CTNNBIP1: variants seen among roughly 807,000 people sequenced by gnomAD.
CTNNBIP1 encodes the protein catenin beta interacting protein 1, also known as beta-catenin-interacting protein 1.
A neutral mutation model predicts 11.8 loss-of-function variants in CTNNBIP1; 7 were observed. That is an observed-to-expected ratio of 0.60 (90% CI 0.34 to 1.12). The LOEUF is 1.12. Ranked by LOEUF, CTNNBIP1 falls within the 50% of genes most tolerant of loss-of-function variation. CTNNBIP1 has a pLI of 0.03. For missense variants in CTNNBIP1, 101 were observed against 113.4 expected, an observed-to-expected ratio of 0.89 and a Z score of 0.50; for synonymous variants, 58 against 43.9, an observed-to-expected ratio of 1.32 and a Z score of -1.26.
intron 1 of CTNNBIP1, among the ~76,000 whole-genome samples, chr1:9,895,578 C>T (rs769513089): frequency 2.6e-5 from 4 of 152,078 alleles, no homozygotes; most frequent in Non-Finnish European, 5.9e-5. Context: ...TCACTGCAAC[C>T]TCCGCCTCCC....
chr1:9,889,341 C>A (rs1018883470), intron 1 of CTNNBIP1, among the ~76,000 whole-genome samples: 1 of 152,184 alleles, frequency 6.6e-6, no homozygotes, highest in African/African-American at 2.4e-5. Flanking sequence ...ATTGTCACGA[C>A]TAGTAGGGTC....
At chr1:9,865,144 G>A (rs1049089260) in intron 5 of CTNNBIP1, among the ~76,000 whole-genome samples, 3 of 151,730 alleles carry the variant, frequency 2.0e-5, no homozygotes, top group African/African-American at 7.3e-5. Flanking sequence ...CAAGAGAATT[G>A]CTTGAACCTG....
At chr1:9,876,984 G>A (rs558378541) in intron 3 of CTNNBIP1, among the ~76,000 whole-genome samples, 20 of 152,222 alleles carry the variant, frequency 1.3e-4, no homozygotes, top group African/African-American at 4.6e-4. Context: ...TCCACACAAC[G>A]GGAGAACTGG....
At chr1:9,856,178 G>T (rs1638499115) in intron 5 of CTNNBIP1, among the ~76,000 whole-genome samples, 1 of 151,830 alleles carries the variant, frequency 6.6e-6, no homozygotes, top group South Asian at 2.1e-4. Flanking sequence ...ATAAATAAAA[G>T]AAAAATTGTT....
intron 1 of CTNNBIP1, among the ~76,000 whole-genome samples, chr1:9,900,014 A>C (rs1368802096): frequency 6.6e-6 from 1 of 151,750 alleles, no homozygotes; most frequent in Non-Finnish European, 1.5e-5. Flanking sequence ...GCAGAGGTTG[A>C]AGTGAGGCAA....
intron 2 of CTNNBIP1, among the ~76,000 whole-genome samples, chr1:9,881,421 C>A (rs933616442): frequency 3.4e-5 from 5 of 148,800 alleles, no homozygotes; most frequent in African/African-American, 1.3e-4. Context: ...CTCACTGCAA[C>A]CTCCGCCTCC....
At chr1:9,893,999 C>T (rs1410623774) in intron 1 of CTNNBIP1, among the ~76,000 whole-genome samples, 1 of 152,168 alleles carries the variant, frequency 6.6e-6, no homozygotes, top group East Asian at 1.9e-4. Context: ...AGGAGGGCCA[C>T]GGCAACCAAA....
At chr1:9,857,609 T>A (rs1394703368) in intron 5 of CTNNBIP1, among the ~76,000 whole-genome samples, 1 of 151,938 alleles carries the variant, frequency 6.6e-6, no homozygotes, top group Non-Finnish European at 1.5e-5. Context: ...GAGACCAGCC[T>A]ATCCAACGTG....
At chr1:9,873,738 TATTG>T (rs559111084) in intron 3 of CTNNBIP1, among the ~76,000 whole-genome samples, 5 of 152,114 alleles carry the variant, frequency 3.3e-5, no homozygotes, top group Non-Finnish European at 5.9e-5. Flanking sequence ...ATGATCTTAT[TATTG>T]ATTATTTTTT....
intron 1 of CTNNBIP1, among the ~76,000 whole-genome samples, chr1:9,907,162 T>G (rs1377538031): frequency 1.3e-5 from 2 of 152,118 alleles, no homozygotes; most frequent in East Asian, 3.8e-4. Context: ...TTCTGTTTTT[T>G]GGGGAGTTTT....
At chr1:9,854,012 C>T (rs1638448176) in intron 5 of CTNNBIP1, among the ~76,000 whole-genome samples, 1 of 152,154 alleles carries the variant, frequency 6.6e-6, no homozygotes, top group Non-Finnish European at 1.5e-5. Context: ...GACTGTAAAA[C>T]ACCATATCAA....
chr1:9,898,507 A>G (rs1435022997), intron 1 of CTNNBIP1, among the ~76,000 whole-genome samples: 1 of 152,210 alleles, frequency 6.6e-6, no homozygotes, highest in Non-Finnish European at 1.5e-5. Context: ...CTGGCAACAC[A>G]GCGAGACTGT....
At chr1:9,852,228 A>G (rs1311804204) in intron 5 of CTNNBIP1, among the ~76,000 whole-genome samples, 3 of 152,130 alleles carry the variant, frequency 2.0e-5, no homozygotes, top group Non-Finnish European at 4.4e-5. Flanking sequence ...CTCTACCAAG[A>G]GAGGGAGGAC....
chr1:9,864,548 TCA>T (rs1638704874), intron 5 of CTNNBIP1, among the ~76,000 whole-genome samples: 3 of 152,196 alleles, frequency 2.0e-5, no homozygotes, highest in Admixed American at 1.3e-4. Context: ...CAGGATGGTC[TCA>T]ATCTCCTGAC....
chr1:9,900,375 T>C lies in CTNNBIP1; in HGVS notation c.-144+9720A>G, dbSNP rs1639498290. On this transcript the variant is annotated intron_variant, in intron 1 of 5. Coordinates refer to ENST00000377263, the MANE Select transcript of CTNNBIP1 (RefSeq NM_020248.3). ...GTGATCGTGTCACCACACTCCAGCC[T>C]GGGCGAATGATGTTTTTAAATGAAG... Among the ~76,000 whole-genome samples the C allele has an allele frequency of 2.6e-5, 4 of 152,166 alleles. No homozygotes were observed. The South Asian group carries it at 8.3e-4, about 31-fold the overall frequency.
Position 9,896,496 on chromosome 1 carries a change from C to T in CTNNBIP1, c.-143-12758G>A, listed in dbSNP as rs188032764. Among the ~76,000 whole-genome samples, 34 of 152,180 alleles carry T rather than the reference C, an allele frequency of 2.2e-4. No homozygotes were observed. In the East Asian group the frequency reaches 6.6e-3, roughly 29 times the overall value. ...GGCAGATCACCTGAGGTCAGGAGTT[C>T]GAGAGTAGCCTGGCCAACATGGTGA... On this transcript the variant is annotated intron_variant, in intron 1 of 5. Transcript: ENST00000377263.
At chr1:9,873,607 G>A (rs2101485231) in intron 3 of CTNNBIP1, among the ~76,000 whole-genome samples, 1 of 152,316 alleles carries the variant, frequency 6.6e-6, no homozygotes, top group South Asian at 2.1e-4. Flanking sequence ...CCGAACCTGG[G>A]TGTGGATGAT....
intron 1 of CTNNBIP1, among the ~76,000 whole-genome samples, chr1:9,884,110 C>T (rs962696604): frequency 6.6e-6 from 1 of 151,994 alleles, no homozygotes; most frequent in African/African-American, 2.4e-5. Flanking sequence ...TGTGGCTGGG[C>T]CTGTAGGCAG....
chr1:9,906,208 G>A (rs1570604999), intron 1 of CTNNBIP1, among the ~76,000 whole-genome samples: 1 of 152,152 alleles, frequency 6.6e-6, no homozygotes, highest in East Asian at 1.9e-4. Context: ...GCTCCTGAAG[G>A]CAGAACCAAG....
Sources: allele counts gnomAD v4.1 joint callset (sites outside exome capture counted in the v4.1 genomes callset), GRCh38; gene constraint gnomAD v4.1.1; transcripts MANE v1.5; gene names NCBI Gene and HGNC (gene_info 2026-07-23, HGNC 2026-07-21).